CTTNBP2NL: variants seen among roughly 807,000 people sequenced by gnomAD.
CTTNBP2NL encodes the protein CTTNBP2 N-terminal like, also known as CTTNBP2 N-terminal-like protein.
In CTTNBP2NL, 16 loss-of-function variants were observed where a neutral mutation model predicts 32.5. The ratio of observed to expected loss-of-function variants is 0.49; its 90% CI spans 0.33 to 0.75. The LOEUF (loss-of-function observed/expected upper bound fraction) is 0.75. Among genes scored for constraint, CTTNBP2NL ranks in the 30% least tolerant of loss-of-function variants. CTTNBP2NL has a pLI of 0.02. For missense variants in CTTNBP2NL, 645 were observed against 756.0 expected (o/e 0.85, Z 1.72); for synonymous variants, 298 against 289.4 (o/e 1.03, Z -0.30).
chr1:112,442,093 CA>C (rs976590557), intron 3 of CTTNBP2NL, among the ~76,000 whole-genome samples: 26 of 152,142 alleles, frequency 1.7e-4, no homozygotes, highest in African/African-American at 6.3e-4. Context: ...GCAGTGAACC[CA>C]AAAGTGCTCT....
intron 3 of CTTNBP2NL, among the ~76,000 whole-genome samples, chr1:112,446,457 C>T (rs1325634011): frequency 2.6e-5 from 4 of 152,158 alleles, no homozygotes; most frequent in African/African-American, 9.7e-5. Context: ...TTTAAAGAAA[C>T]ATGGTAAAAG....
intron 3 of CTTNBP2NL, among the ~76,000 whole-genome samples, chr1:112,431,461 A>G (rs1026961194): frequency 6.6e-6 from 1 of 152,250 alleles, no homozygotes; most frequent in Non-Finnish European, 1.5e-5. Flanking sequence ...TGTTTGCTGA[A>G]AATATTTATG....
chr1:112,437,908 G>A (rs544777352), intron 3 of CTTNBP2NL, among the ~76,000 whole-genome samples: 4 of 152,130 alleles, frequency 2.6e-5, no homozygotes, highest in African/African-American at 4.8e-5. Flanking sequence ...TACGTTGTCT[G>A]TTTACTCTGT....
intron 4 of CTTNBP2NL, among the ~76,000 whole-genome samples, chr1:112,452,645 C>CTTTTTTT (rs34842059): frequency 7.5e-6 from 1 of 133,096 alleles, no homozygotes; most frequent in African/African-American, 3.1e-5. Flanking sequence ...CTCCTGGCCT[C>CTTTTTTT]TTTTTTTTTT....
At chr1:112,416,388 CTT>C in intron 3 of CTTNBP2NL, 124 bp downstream of exon 3, 2 of 592,754 alleles carry the variant, frequency 3.4e-6, no homozygotes, top group South Asian at 4.4e-5. Flanking sequence ...CATACTGATA[CTT>C]GCCATAGGTA....
chr1:112,421,340 G>T (rs1296947839), intron 3 of CTTNBP2NL, among the ~76,000 whole-genome samples: 2 of 131,150 alleles, frequency 1.5e-5, no homozygotes, highest in African/African-American at 5.8e-5. Context: ...AGACGGAGTT[G>T]CCCAGGCTGG....
intron 3 of CTTNBP2NL, among the ~76,000 whole-genome samples, chr1:112,421,443 G>C (rs1237998347): frequency 6.6e-6 from 1 of 151,168 alleles, no homozygotes; most frequent in East Asian, 2.0e-4. Flanking sequence ...TGGGACTGCA[G>C]GTGTGCGCCA....
intron 5 of CTTNBP2NL, among the ~76,000 whole-genome samples, chr1:112,455,429 G>C (rs535250395): frequency 6.6e-6 from 1 of 152,296 alleles, no homozygotes; most frequent in South Asian, 2.1e-4. Flanking sequence ...CTTGAACCCA[G>C]AAGGCGGAGG....
At chr1:112,442,383 A>G (rs1232301048) in intron 3 of CTTNBP2NL, among the ~76,000 whole-genome samples, 1 of 152,240 alleles carries the variant, frequency 6.6e-6, no homozygotes, top group Non-Finnish European at 1.5e-5. Flanking sequence ...TCGGCCAAAA[A>G]TAAATTATTT....
chr1:112,394,143 T>C (rs1002403768), upstream of CTTNBP2NL, among the ~76,000 whole-genome samples: 2 of 147,782 alleles, frequency 1.4e-5, no homozygotes, highest in African/African-American at 5.0e-5. Flanking sequence ...AAGGCGGAGG[T>C]TGTAGTGAGA....
intron 3 of CTTNBP2NL, among the ~76,000 whole-genome samples, chr1:112,433,163 A>G (rs1238928187): frequency 1.3e-5 from 2 of 152,160 alleles, no homozygotes; most frequent in Admixed American, 6.5e-5. Flanking sequence ...CACTTTTCAT[A>G]ACTGTATTGA....
intron 3 of CTTNBP2NL, among the ~76,000 whole-genome samples, chr1:112,425,689 C>G (rs1473944606): frequency 6.6e-6 from 1 of 150,614 alleles, no homozygotes; most frequent in African/African-American, 2.4e-5. Flanking sequence ...CATGGTGAAA[C>G]CCCTTGTCTA....
At chr1:112,430,214 T>TCTTTTCTTG (rs1557891615) in intron 3 of CTTNBP2NL, among the ~76,000 whole-genome samples, 1,263 of 41,002 alleles carry the variant, frequency 0.031, 23 homozygotes, top group African/African-American at 0.05. Context: ...TTCTTTTCTT[T>TCTTTTCTTG]TCTTTTCTTG....
At chr1:112,427,076 A>G (rs1191548500) in intron 3 of CTTNBP2NL, among the ~76,000 whole-genome samples, 1 of 152,236 alleles carries the variant, frequency 6.6e-6, no homozygotes, top group Non-Finnish European at 1.5e-5. Context: ...AGACAAAAAT[A>G]CAAAGTGTGA....
At position 112,454,573 on chromosome 1, in the gene CTTNBP2NL, G is replaced by C; in HGVS notation, c.438+17G>C. On this transcript the variant is annotated intron_variant, in intron 5 of 5. Coordinates refer to ENST00000271277, the MANE Select transcript of CTTNBP2NL (RefSeq NM_018704.3). ...ACTCAACAGGTAATTAAGGTAGAGG[G>C]ATTCACAGTAGCATTTGCCTGGAAC... 6.6e-7 allele frequency: 1 copy of C among 1,522,856 alleles called. No homozygotes were observed. The highest frequency in any genetic ancestry group is 9.1e-7 in the Non-Finnish European group (1 of 1,097,006). 94.3% of individuals were successfully genotyped at this position (1,522,856 alleles called of 1,614,324 possible). A position where few individuals can be genotyped will look rare whatever the true frequency, so the allele number is the denominator to read the frequency against.
intron 1 of CTTNBP2NL, among the ~76,000 whole-genome samples, chr1:112,404,484 A>G (rs1371576307): frequency 1.3e-5 from 2 of 152,206 alleles, no homozygotes; most frequent in African/African-American, 4.8e-5. Context: ...TCTTAGTGGA[A>G]TCAATGACGT....
intron 3 of CTTNBP2NL, among the ~76,000 whole-genome samples, chr1:112,439,293 T>C (rs141320440): frequency 5.3e-4 from 81 of 152,266 alleles, no homozygotes; most frequent in African/African-American, 1.6e-3. Context: ...AAATTTCTTA[T>C]TCCTGTTACT....
At chr1:112,407,653 A>G (rs528769905) in intron 1 of CTTNBP2NL, among the ~76,000 whole-genome samples, 97 of 152,292 alleles carry the variant, frequency 6.4e-4, no homozygotes, top group South Asian at 3.1e-3. Flanking sequence ...AGCCTGTGTT[A>G]TGTGTATTTA....
intron 3 of CTTNBP2NL, among the ~76,000 whole-genome samples, chr1:112,423,776 T>G (rs907815648): frequency 6.6e-6 from 1 of 152,228 alleles, no homozygotes; most frequent in African/African-American, 2.4e-5. Flanking sequence ...AAGGCTGGAG[T>G]GCAGTGATGC....
Sources: gnomAD v4.1 joint callset for allele counts (sites outside exome capture counted in the v4.1 genomes callset) on GRCh38, gnomAD v4.1.1 for gene constraint, MANE v1.5 for transcripts, NCBI Gene and HGNC (gene_info 2026-07-23, HGNC 2026-07-21) for gene names.